PYDC5: variants seen among roughly 807,000 people sequenced by gnomAD.
PYDC5 encodes the protein pyrin domain containing 5.
the PYDC5 span, among the ~76,000 whole-genome samples, chr1:159,002,677 G>A: frequency 1.3e-5 from 2 of 152,184 alleles, no homozygotes; most frequent in Admixed American, 1.3e-4. Flanking sequence ...TGGCCAGCCT[G>A]CTGAAATAGA....
chr1:159,001,942 TAC>T, the PYDC5 span, among the ~76,000 whole-genome samples: 1 of 152,210 alleles, frequency 6.6e-6, no homozygotes, highest in Non-Finnish European at 1.5e-5. Flanking sequence ...TATGGTCCTG[TAC>T]CATGCATAAT....
the PYDC5 span, among the ~76,000 whole-genome samples, chr1:159,001,999 A>G: frequency 6.6e-6 from 1 of 152,232 alleles, no homozygotes; most frequent in South Asian, 2.1e-4. Flanking sequence ...GTGCTTTCAC[A>G]TGAAGCCTGG....
the PYDC5 span, among the ~76,000 whole-genome samples, chr1:159,002,309 A>T: frequency 2.0e-5 from 3 of 152,142 alleles, no homozygotes; most frequent in Non-Finnish European, 4.4e-5. Flanking sequence ...TTCTCTGTTT[A>T]AAAAAATTAA....
chr1:159,000,180 T>A, the PYDC5 span: 1 of 220,988 alleles, frequency 4.5e-6, no homozygotes, highest in East Asian at 1.0e-4. Flanking sequence ...CTACTCGTGC[T>A]GTTTAGAGTA....
At chr1:159,000,861 G>A in the PYDC5 span, among the ~76,000 whole-genome samples, 1 of 152,146 alleles carries the variant, frequency 6.6e-6, no homozygotes, top group African/African-American at 2.4e-5. Context: ...TGGTTGATGA[G>A]TGAGTTCTCC....
the PYDC5 span, among the ~76,000 whole-genome samples, chr1:159,000,613 A>G: frequency 2.0e-5 from 3 of 152,218 alleles, no homozygotes; most frequent in African/African-American, 7.2e-5. Context: ...ACTGACATAC[A>G]ACACAATGCA....
At chr1:159,000,360 C>T in the PYDC5 span, 2 of 207,288 alleles carry the variant, frequency 9.6e-6, no homozygotes, top group Non-Finnish European at 2.1e-5. Flanking sequence ...TAAGATTATA[C>T]CACCAAAAGT....
At chr1:159,000,230 A>C in the PYDC5 span, 1 of 260,622 alleles carries the variant, frequency 3.8e-6, no homozygotes, top group Admixed American at 4.0e-5. Flanking sequence ...ATCTGGAAGA[A>C]AGCACTTAAA....
At chr1:159,001,626 C>A in the PYDC5 span, among the ~76,000 whole-genome samples, 18 of 152,244 alleles carry the variant, frequency 1.2e-4, no homozygotes, top group East Asian at 3.1e-3. Flanking sequence ...ATTTGCATTT[C>A]CTGAGCATCT....
the PYDC5 span, among the ~76,000 whole-genome samples, chr1:159,001,122 A>G: frequency 4.6e-5 from 7 of 152,272 alleles, no homozygotes; most frequent in Non-Finnish European, 1.0e-4. Flanking sequence ...TAGGCAATGT[A>G]TATAATTCAG....
chr1:159,001,169 G>GC, the PYDC5 span, among the ~76,000 whole-genome samples: 6 of 151,984 alleles, frequency 3.9e-5, no homozygotes. Context: ...CATTTGTACA[G>GC]CCCATGTGAA....
the PYDC5 span, among the ~76,000 whole-genome samples, chr1:159,001,176 T>G: frequency 6.6e-6 from 1 of 152,168 alleles, no homozygotes; most frequent in Non-Finnish European, 1.5e-5. Context: ...ACAGCCCATG[T>G]GAAAAATGGA....
the PYDC5 span, chr1:159,000,008 C>G: frequency 6.5e-6 from 1 of 153,672 alleles, no homozygotes; most frequent in African/African-American, 2.4e-5. Context: ...AAAGGAAAGA[C>G]CAAGTCTTGA....
At chr1:159,001,523 G>C in the PYDC5 span, among the ~76,000 whole-genome samples, 1 of 152,188 alleles carries the variant, frequency 6.6e-6, no homozygotes, top group Admixed American at 6.5e-5. Flanking sequence ...AGTATTTTAA[G>C]GGACATTTTC....
At chr1:159,000,511 G>A in the PYDC5 span, 1 of 152,450 alleles carries the variant, frequency 6.6e-6, no homozygotes, top group Non-Finnish European at 1.5e-5. Context: ...TCCTGGGAAA[G>A]ACATCTTCAG....
the PYDC5 span, among the ~76,000 whole-genome samples, chr1:159,001,230 T>C: frequency 6.6e-6 from 1 of 152,182 alleles, no homozygotes; most frequent in Non-Finnish European, 1.5e-5. Context: ...CCAACACACA[T>C]ATGAACAGGT....
chr1:159,000,503 C>T, the PYDC5 span: 1 of 152,446 alleles, frequency 6.6e-6, no homozygotes, highest in Non-Finnish European at 1.5e-5. Flanking sequence ...GTCCTTCTTC[C>T]TGGGAAAGAC....
At chr1:159,002,207 G>A in the PYDC5 span, among the ~76,000 whole-genome samples, 1 of 151,998 alleles carries the variant, frequency 6.6e-6, no homozygotes. Context: ...GTAAAAGACA[G>A]TACATATTAC....
the PYDC5 span, among the ~76,000 whole-genome samples, chr1:159,002,290 A>G: frequency 6.6e-6 from 1 of 152,146 alleles, no homozygotes; most frequent in Non-Finnish European, 1.5e-5. Flanking sequence ...TACAGAGAGT[A>G]TGGAATGATT....
Sources: allele counts gnomAD v4.1 joint callset (sites outside exome capture counted in the v4.1 genomes callset), GRCh38; gene constraint gnomAD v4.1.1; transcripts MANE v1.5; gene names NCBI Gene and HGNC (gene_info 2026-07-23, HGNC 2026-07-21).